DLG2: variants seen among roughly 807,000 people sequenced by gnomAD.
The protein encoded by DLG2 is discs large MAGUK scaffold protein 2, also known as disks large homolog 2.
In DLG2, 45 loss-of-function variants were observed where a neutral mutation model predicts 132.5. The ratio of observed to expected loss-of-function variants is 0.34; its 90% CI spans 0.27 to 0.44. The LOEUF (loss-of-function observed/expected upper bound fraction) is 0.44. Among genes scored for constraint, DLG2 ranks in the 20% least tolerant of loss-of-function variants. The pLI is 1.00. For synonymous variants in DLG2, 424 were observed against 419.6 expected (o/e 1.01, Z -0.13); for missense variants, 1,045 against 1,196.9 (o/e 0.87, Z 1.87).
In DLG2 at chr11:84,384,355, C is replaced by G. The variant is rs937396735; in HGVS notation, c.520-133064G>C. ...TTTAAAAGACTCTTACATAATTTCTCATGGTTCATATGGAAAAATTTGAGC... is the reference window on the plus strand; with the variant it reads ...TTTAAAAGACTCTTACATAATTTCTGATGGTTCATATGGAAAAATTTGAGC... On this transcript the variant is annotated intron_variant, in intron 7 of 27. Coordinates refer to ENST00000376104, the MANE Select transcript of DLG2 (RefSeq NM_001142699.3). 1.1e-4 allele frequency among the ~76,000 whole-genome samples: 17 copies of G among 152,046 alleles called. No individual in the cohort carries two copies. The East Asian group carries it at 3.3e-3, about 30-fold the overall frequency.
intron 8 of DLG2, among the ~76,000 whole-genome samples, chr11:84,226,613 A>G (rs1420171041): frequency 6.6e-6 from 1 of 152,254 alleles, no homozygotes; most frequent in Non-Finnish European, 1.5e-5. Context: ...GTGCCCAGAA[A>G]GTAATTAGGT....
chr11:83,520,971 G>T (rs1453230409), intron 21 of DLG2, among the ~76,000 whole-genome samples: 2 of 152,186 alleles, frequency 1.3e-5, no homozygotes, highest in African/African-American at 4.8e-5. Context: ...CATGTATCGA[G>T]ACTGCCAACT....
chr11:85,538,580 G>A (rs1200471517), intron 3 of DLG2, among the ~76,000 whole-genome samples: 4 of 151,808 alleles, frequency 2.6e-5, no homozygotes, highest in African/African-American at 9.7e-5. Flanking sequence ...GCAAAGACAT[G>A]GAATCCACCC....
chr11:83,553,004 T>C (rs1403272497), intron 19 of DLG2, among the ~76,000 whole-genome samples: 1 of 152,202 alleles, frequency 6.6e-6, no homozygotes, highest in African/African-American at 2.4e-5. Flanking sequence ...TCAGTTGATT[T>C]ATCTGTAGGT....
chr11:83,480,771 T>C, intron 22 of DLG2: 1 of 675,910 alleles, frequency 1.5e-6, no homozygotes, highest in East Asian at 2.7e-5. Context: ...ACTGAGTGTT[T>C]TCTTGACTAT....
At chr11:85,511,023 C>A (rs1164271444) in intron 3 of DLG2, among the ~76,000 whole-genome samples, 1 of 152,014 alleles carries the variant, frequency 6.6e-6, no homozygotes, top group Non-Finnish European at 1.5e-5. Flanking sequence ...ACATATACAC[C>A]ATGGAATACT....
intron 7 of DLG2, among the ~76,000 whole-genome samples, chr11:84,392,846 T>A (rs969663743): frequency 6.6e-6 from 1 of 152,184 alleles, no homozygotes; most frequent in East Asian, 1.9e-4. Flanking sequence ...CAGTTTGGGT[T>A]CAGGAGCCAT....
chr11:85,487,467 G>C (rs1183335845), intron 3 of DLG2, among the ~76,000 whole-genome samples: 2 of 132,776 alleles, frequency 1.5e-5, no homozygotes, highest in Non-Finnish European at 3.3e-5. Context: ...TTACCAAAAA[G>C]ATAGGTATTT....
chr11:85,067,885 C>T (rs529194976), intron 6 of DLG2, among the ~76,000 whole-genome samples: 6 of 152,074 alleles, frequency 3.9e-5, no homozygotes, highest in African/African-American at 1.4e-4. Flanking sequence ...TGATGAACAT[C>T]GATGCAAAAA....
intron 6 of DLG2, among the ~76,000 whole-genome samples, chr11:84,636,026 A>G (rs781630902): frequency 2.6e-5 from 4 of 152,248 alleles, no homozygotes; most frequent in Non-Finnish European, 4.4e-5. Context: ...GAGAAAACCA[A>G]TGAGACATTG....
intron 15 of DLG2, among the ~76,000 whole-genome samples, chr11:83,926,525 C>T (rs4944454): frequency 0.2 from 29,794 of 151,970 alleles, 2,991 homozygotes; most frequent in African/African-American, 0.22. Flanking sequence ...AAAAGTTGTC[C>T]CATTATAGTA....
intron 6 of DLG2, among the ~76,000 whole-genome samples, chr11:84,858,550 T>G (rs893167155): frequency 6.6e-6 from 1 of 152,130 alleles, no homozygotes; most frequent in African/African-American, 2.4e-5. Flanking sequence ...TCTCATATCT[T>G]ATTTCTACTT....
chr11:85,415,594 AT>A (rs2089761900), intron 3 of DLG2, among the ~76,000 whole-genome samples: 1 of 152,036 alleles, frequency 6.6e-6, no homozygotes, highest in African/African-American at 2.4e-5. Context: ...TTTGATTTGC[AT>A]TTCTCTAATG....
chr11:84,108,079 T>C (rs1457589364), intron 9 of DLG2, among the ~76,000 whole-genome samples: 4 of 151,880 alleles, frequency 2.6e-5, no homozygotes, highest in Non-Finnish European at 5.9e-5. Context: ...TTAGAAAAGA[T>C]AGGAAAATAT....
chr11:83,731,700 G>A (rs960367327), intron 18 of DLG2, among the ~76,000 whole-genome samples: 6 of 152,170 alleles, frequency 3.9e-5, no homozygotes, highest in Non-Finnish European at 7.3e-5. Flanking sequence ...CTAGATCCTT[G>A]AGAAATCACC....
chr11:83,732,809 G>C (rs1402075718), intron 18 of DLG2, among the ~76,000 whole-genome samples: 1 of 152,162 alleles, frequency 6.6e-6, no homozygotes, highest in African/African-American at 2.4e-5. Flanking sequence ...TGCTCCAACT[G>C]GGGAGGGGAA....
chr11:85,174,278 AC>A (rs1041096745), intron 4 of DLG2, among the ~76,000 whole-genome samples: 16 of 152,342 alleles, frequency 1.1e-4, no homozygotes, highest in African/African-American at 3.6e-4. Context: ...AGCCTTTCAT[AC>A]CAAAGCACAC....
intron 19 of DLG2, among the ~76,000 whole-genome samples, chr11:83,608,026 A>T (rs1035436528): frequency 1.3e-5 from 2 of 152,222 alleles, no homozygotes; most frequent in African/African-American, 2.4e-5. Flanking sequence ...GGTGTTAGAA[A>T]GTTCTGTATC....
At chr11:83,489,341 T>C (rs954192329) in intron 21 of DLG2, among the ~76,000 whole-genome samples, 5 of 151,886 alleles carry the variant, frequency 3.3e-5, no homozygotes, top group Non-Finnish European at 7.4e-5. Context: ...AGACAAACTA[T>C]CTGATTTCAT....
Sources: allele counts gnomAD v4.1 joint callset (sites outside exome capture counted in the v4.1 genomes callset), GRCh38; gene constraint gnomAD v4.1.1; transcripts MANE v1.5; gene names NCBI Gene and HGNC (gene_info 2026-07-23, HGNC 2026-07-21).